Variants in MAP3K13 observed in about 807,000 individuals in gnomAD.
The protein encoded by MAP3K13 is leucine zipper-bearing kinase.
In MAP3K13, 52 loss-of-function variants were observed where a neutral mutation model predicts 104.0. That is an observed-to-expected ratio of 0.50 (90% CI 0.40 to 0.63). MAP3K13 has a LOEUF of 0.63. Among genes scored for constraint, MAP3K13 ranks in the 20% least tolerant of loss-of-function variants. MAP3K13 has a pLI of 0.00. For missense variants in MAP3K13, 914 were observed against 1,218.5 expected (o/e 0.75, Z 3.72); for synonymous variants, 394 against 442.2 (o/e 0.89, Z 1.37).
At chr3:185,332,202 T>G (rs1372959710) in intron 2 of MAP3K13, among the ~76,000 whole-genome samples, 1 of 141,194 alleles carries the variant, frequency 7.1e-6, no homozygotes, top group African/African-American at 2.6e-5. Flanking sequence ...AACTGCCTTC[T>G]TTAGGGATTG....
chr3:185,473,208 C>A lies in MAP3K13; in HGVS notation c.1877C>A (p.Ser626Tyr), dbSNP rs1463853545. 8.7e-6 allele frequency: 14 copies of A among 1,614,094 alleles called. No individual in the cohort carries two copies. In the Admixed American group the frequency reaches 2.2e-4, roughly 25 times the overall value. The change falls in exon 11 of 14, where the codon TCC (serine) becomes TAC (tyrosine). Residue 626 changes from serine (S) to tyrosine (Y), a missense_variant. Ser to Tyr is a moderately radical substitution (Grantham distance 144). Transcript: ENST00000265026. This position sits in a 1 kb window ranked among gnomAD's most constrained non-coding sequence, Gnocchi z 4.9. ...CCCACTTACCTGCACCAAGCTCAAT[C>A]CCAATACCCTTCTCTTCATCACCAT... ...PHPTYLHQAQ[S>Y]QYPSLHHHNS...
intron 1 of MAP3K13, among the ~76,000 whole-genome samples, chr3:185,402,741 C>T (rs1002145966): frequency 5.9e-5 from 9 of 152,010 alleles, no homozygotes; most frequent in Admixed American, 2.6e-4. Flanking sequence ...TAATTATGTG[C>T]GCATGTGTAA....
rs1718680659 is a variant in MAP3K13 at position 185,485,653 on chromosome 3, A to T, written c.*3197A>T. ...GTGTTCAAGTACCCCTATTTAATTA[A>T]TAATAGCCCCAAAGGGCAAGAGTGC... is the stretch of plus-strand genomic sequence containing the variant. On this transcript the variant is annotated 3_prime_UTR_variant, in exon 14 of 14. Coordinates refer to ENST00000265026, the MANE Select transcript of MAP3K13 (RefSeq NM_004721.5). 2.0e-5 allele frequency: 3 copies of T among 152,090 alleles called. No homozygotes were observed. In the South Asian group the frequency reaches 6.2e-4, roughly 32 times the overall value. The allele number at this position is 152,090 out of a possible 1,614,324, so 9.4% of individuals were successfully genotyped here.
At chr3:185,287,002 A>G (rs2108667763) in intron 2 of MAP3K13, among the ~76,000 whole-genome samples, 1 of 152,300 alleles carries the variant, frequency 6.6e-6, no homozygotes, top group South Asian at 2.1e-4. Context: ...GACTATTTAG[A>G]AGAAGTAGGG....
intron 1 of MAP3K13, among the ~76,000 whole-genome samples, chr3:185,370,297 C>T (rs11719172): frequency 0.73 from 110,597 of 152,042 alleles, 42,514 homozygotes; most frequent in Non-Finnish European, 0.86. Context: ...TGGGTTCAAG[C>T]GATTCTCCTG....
intron 1 of MAP3K13, among the ~76,000 whole-genome samples, chr3:185,409,708 T>C (rs917550492): frequency 7.9e-5 from 12 of 152,148 alleles, no homozygotes; most frequent in Non-Finnish European, 1.2e-4. Flanking sequence ...GGACTATTCA[T>C]GATAGCCAAG....
intron 2 of MAP3K13, among the ~76,000 whole-genome samples, chr3:185,430,371 T>A (rs754184126): frequency 3.3e-5 from 5 of 152,160 alleles, no homozygotes; most frequent in Non-Finnish European, 7.4e-5. Flanking sequence ...TAGGTAAACT[T>A]GTGCCATGGG....
intron 2 of MAP3K13, among the ~76,000 whole-genome samples, chr3:185,436,142 T>G (rs1577556036): frequency 6.6e-6 from 1 of 152,240 alleles, no homozygotes; most frequent in Non-Finnish European, 1.5e-5. Context: ...CACATATTGA[T>G]TGAATTTTTG....
chr3:185,389,893 C>T (rs1001263802), intron 1 of MAP3K13, among the ~76,000 whole-genome samples: 1 of 152,106 alleles, frequency 6.6e-6, no homozygotes, highest in Non-Finnish European at 1.5e-5. Context: ...AGTTTCCAAA[C>T]CTTCACAATT....
intron 1 of MAP3K13, among the ~76,000 whole-genome samples, chr3:185,387,070 T>A (rs1256746406): frequency 6.6e-6 from 1 of 151,988 alleles, no homozygotes; most frequent in Non-Finnish European, 1.5e-5. Flanking sequence ...AAATAAAAGT[T>A]GAAGAAAGAA....
At chr3:185,387,378 A>T (rs2108764657) in intron 1 of MAP3K13, among the ~76,000 whole-genome samples, 1 of 152,144 alleles carries the variant, frequency 6.6e-6, no homozygotes, top group East Asian at 1.9e-4. Context: ...TCTCTATGTG[A>T]TCTCTGCACA....
intron 2 of MAP3K13, among the ~76,000 whole-genome samples, chr3:185,327,534 G>A (rs1177635188): frequency 6.6e-6 from 1 of 152,126 alleles, no homozygotes; most frequent in Non-Finnish European, 1.5e-5. Flanking sequence ...CAAATTTATT[G>A]CCTGGGAGAG....
chr3:185,297,463 A>G (rs1720953750), intron 2 of MAP3K13, among the ~76,000 whole-genome samples: 1 of 152,142 alleles, frequency 6.6e-6, no homozygotes, highest in Non-Finnish European at 1.5e-5. Context: ...GGCTGGGCGC[A>G]GTGACTCACA....
chr3:185,470,626 TG>T (rs1247385884), intron 10 of MAP3K13, among the ~76,000 whole-genome samples: 2 of 152,138 alleles, frequency 1.3e-5, no homozygotes, highest in Non-Finnish European at 2.9e-5. Flanking sequence ...CAAGAGTCCT[TG>T]CTTTCTAGGG....
At chr3:185,414,554 C>T (rs185226197) in intron 1 of MAP3K13, among the ~76,000 whole-genome samples, 3 of 152,256 alleles carry the variant, frequency 2.0e-5, no homozygotes, top group East Asian at 1.9e-4. Context: ...GAAAAAGCAA[C>T]GCAAGGATAG....
intron 1 of MAP3K13, among the ~76,000 whole-genome samples, chr3:185,394,095 G>C (rs1712239737): frequency 6.6e-6 from 1 of 152,148 alleles, no homozygotes; most frequent in Non-Finnish European, 1.5e-5. Context: ...ATGAGAGGTG[G>C]GGTCAGGGAA....
At chr3:185,443,700 CA>C in intron 4 of MAP3K13, 64 bp downstream of exon 4, 1 of 1,412,654 alleles carries the variant, frequency 7.1e-7, no homozygotes, top group Non-Finnish European at 9.9e-7. Context: ...GAATTTTTAT[CA>C]ACCTCAGTTG....
upstream of MAP3K13, chr3:185,362,961 A>ACACACC (rs1553794022): frequency 4.2e-6 from 1 of 239,198 alleles, no homozygotes; most frequent in Non-Finnish European, 6.7e-6. Context: ...ACACACGCAC[A>ACACACC]CACACACACA....
intron 1 of MAP3K13, among the ~76,000 whole-genome samples, chr3:185,383,075 T>G (rs979552078): frequency 1.4e-5 from 2 of 139,154 alleles, no homozygotes; most frequent in Non-Finnish European, 3.1e-5. Flanking sequence ...TGTGTTCTCA[T>G]TGTTCAATTC....
Sources: allele counts gnomAD v4.1 joint callset (sites outside exome capture counted in the v4.1 genomes callset), GRCh38; gene constraint gnomAD v4.1.1; non-coding constraint Gnocchi (gnomAD v3.1); transcripts MANE v1.5; gene names NCBI Gene and HGNC (gene_info 2026-07-23, HGNC 2026-07-21).